Variants in MARVELD3 observed in about 807,000 individuals in gnomAD.
The protein encoded by MARVELD3 is MARVEL domain containing 3.
Under a neutral mutation model 33.5 loss-of-function variants are expected in MARVELD3, and 28 were observed. That is an observed-to-expected ratio of 0.84 (90% confidence interval 0.62 to 1.15). MARVELD3 has a LOEUF of 1.15. Among genes scored for constraint, MARVELD3 ranks in the 50% most tolerant of loss-of-function variants. MARVELD3 has a pLI of 0.00. For missense variants in MARVELD3, 582 were observed against 547.6 expected (o/e 1.06, Z -0.63); for synonymous variants, 241 against 230.4 (o/e 1.05, Z -0.42).
intron 2 of MARVELD3, among the ~76,000 whole-genome samples, chr16:71,633,902 C>A (rs1489476302): frequency 1.3e-5 from 2 of 152,084 alleles, no homozygotes; most frequent in African/African-American, 4.8e-5. Flanking sequence ...TGGCTTTGTT[C>A]CTGCTCACTG....
chr16:71,633,566 G>T (rs770208022), intron 2 of MARVELD3, among the ~76,000 whole-genome samples: 1 of 151,840 alleles, frequency 6.6e-6, no homozygotes, highest in Non-Finnish European at 1.5e-5. Context: ...GCTAATTTTT[G>T]TATTTTTTAG....
intron 2 of MARVELD3, among the ~76,000 whole-genome samples, chr16:71,630,773 C>T (rs191006206): frequency 7.9e-5 from 12 of 152,004 alleles, no homozygotes; most frequent in African/African-American, 2.4e-4. Flanking sequence ...ACCATACTGA[C>T]CCTATTATAT....
chr16:71,627,210 C>T (rs2044482775), intron 1 of MARVELD3, among the ~76,000 whole-genome samples: 2 of 152,184 alleles, frequency 1.3e-5, no homozygotes, highest in African/African-American at 4.8e-5. Flanking sequence ...TAGGTGCCTT[C>T]AGAAACAGGT....
downstream of MARVELD3, among the ~76,000 whole-genome samples, chr16:71,639,532 TG>T (rs2145288635): frequency 6.6e-6 from 1 of 150,580 alleles, no homozygotes; most frequent in African/African-American, 2.4e-5. Context: ...CTGAAACCTC[TG>T]CCTCCTGGGT....
At position 71,635,975 on chromosome 16, in the gene MARVELD3, C is replaced by A. The variant is rs913336003; in HGVS notation, c.*1172C>A. On this transcript the variant is annotated 3_prime_UTR_variant, in exon 3 of 3. Transcript: ENST00000268485. Reference sequence around the variant, plus strand: ...AGCATTAAACCCAACATCTAGAATTCAGGATTCATCCAGAATAAAAGGATG... The same window carrying A: ...AGCATTAAACCCAACATCTAGAATTAAGGATTCATCCAGAATAAAAGGATG... 36 of 985,406 alleles carry A rather than the reference C, an allele frequency of 3.7e-5. No homozygotes were observed. In the African/African-American group the frequency reaches 6.3e-4, roughly 17 times the overall value. 61.0% of individuals were successfully genotyped at this position (985,406 alleles called of 1,614,324 possible). A position where few individuals can be genotyped will look rare whatever the true frequency, so the allele number is the denominator to read the frequency against.
chr16:71,640,892 T>C (rs908621690), downstream of MARVELD3: 4 of 1,614,024 alleles, frequency 2.5e-6, no homozygotes, highest in Non-Finnish European at 3.4e-6. Context: ...TTGCTTGTCT[T>C]CTCGTGATCA....
At chr16:71,631,923 C>T (rs1424059006) in intron 2 of MARVELD3, among the ~76,000 whole-genome samples, 1 of 152,178 alleles carries the variant, frequency 6.6e-6, no homozygotes, top group East Asian at 1.9e-4. Flanking sequence ...AATAGACCAA[C>T]TGGAACCAGG....
intron 2 of MARVELD3, 125 bp from the exon 3 acceptor site, chr16:71,634,068 C>G: frequency 6.9e-7 from 1 of 1,457,086 alleles, no homozygotes; most frequent in Non-Finnish European, 9.1e-7. Context: ...GCTTTGGCCT[C>G]GGGTCTTCCA....
chr16:71,631,662 G>A (rs184806951), intron 2 of MARVELD3, among the ~76,000 whole-genome samples: 4 of 152,144 alleles, frequency 2.6e-5, no homozygotes, highest in East Asian at 1.9e-4. Context: ...TGGCCAGGCC[G>A]GTCTTGAACT....
intron 2 of MARVELD3, among the ~76,000 whole-genome samples, chr16:71,630,442 A>C (rs1444285478): frequency 2.0e-5 from 3 of 152,132 alleles, no homozygotes; most frequent in African/African-American, 7.2e-5. Context: ...CCTGACTAAC[A>C]TGGAGAAACC....
intron 1 of MARVELD3, 74 bp from the exon 2 acceptor site, chr16:71,629,293 G>A (rs1293785955): frequency 2.1e-6 from 3 of 1,437,598 alleles, no homozygotes; most frequent in Non-Finnish European, 2.8e-6. Context: ...CCAGCACGAG[G>A]AGTCAAGAGT....
At chr16:71,640,345 G>C, downstream of MARVELD3, 2 of 1,595,344 alleles carry the variant, frequency 1.3e-6, no homozygotes, top group East Asian at 4.5e-5. Flanking sequence ...GGCTTGGCCT[G>C]GGTGAGTAAT....
At position 71,626,718 on chromosome 16, in the gene MARVELD3, C is replaced by T; in HGVS notation, c.467+22C>T. 2 of 1,428,230 alleles carry T rather than the reference C, an allele frequency of 1.4e-6. No homozygotes were observed. Among genetic ancestry groups the T allele is most frequent in the Non-Finnish European group, 1.8e-6 (2 of 1,097,756 alleles). The allele number at this position is 1,428,230 out of a possible 1,614,324, so 88.5% of individuals were successfully genotyped here. A position where few individuals can be genotyped will look rare whatever the true frequency, so the allele number is the denominator to read the frequency against. On this transcript the variant is annotated intron_variant, in intron 1 of 2. Coordinates refer to ENST00000268485, the MANE Select transcript of MARVELD3 (RefSeq NM_052858.6). This position sits in a 1 kb window ranked among gnomAD's most constrained non-coding sequence, Gnocchi z 5.3. ...AAAGGTGAGAGGGGCCGGGGCGCTG[C>T]GACCTCCGCGCCGGGGACACCTGTG...
At chr16:71,630,785 C>A (rs963060902) in intron 2 of MARVELD3, among the ~76,000 whole-genome samples, 1 of 151,990 alleles carries the variant, frequency 6.6e-6, no homozygotes, top group South Asian at 2.1e-4. Flanking sequence ...CTATTATATA[C>A]CAAATATTCT....
At chr16:71,639,615 T>G (rs1410464128), downstream of MARVELD3, among the ~76,000 whole-genome samples, 1 of 150,974 alleles carries the variant, frequency 6.6e-6, no homozygotes, top group Non-Finnish European at 1.5e-5. Flanking sequence ...CCCGGCTAAT[T>G]TTTGTATTTT....
Position 71,626,701 on chromosome 16 carries a change from G to A in MARVELD3, c.467+5G>A. The A allele has an allele frequency of 1.4e-6, 2 of 1,466,958 alleles. No individual in the cohort carries two copies. Among genetic ancestry groups the A allele is most frequent in the East Asian group, 2.5e-5 (1 of 39,572 alleles). 90.9% of individuals were successfully genotyped at this position (1,466,958 alleles called of 1,614,324 possible). A position where few individuals can be genotyped will look rare whatever the true frequency, so the allele number is the denominator to read the frequency against. ...CGGGCGCCGCAGACCCGAAAGGTGAGAGGGGCCGGGGCGCTGCGACCTCCG... is the reference window on the plus strand; with the variant it reads ...CGGGCGCCGCAGACCCGAAAGGTGAAAGGGGCCGGGGCGCTGCGACCTCCG... On this transcript the variant is annotated splice_donor_5th_base_variant and intron_variant, in intron 1 of 2. Transcript: ENST00000268485. The surrounding 1 kb of genome is among the most constrained non-coding windows in gnomAD (Gnocchi z 5.3).
downstream of MARVELD3, chr16:71,640,764 G>C (rs777695867): frequency 1.2e-6 from 2 of 1,614,218 alleles, no homozygotes; most frequent in East Asian, 4.5e-5. Context: ...TTACCTCCAC[G>C]TGGCTCTGCA....
chr16:71,640,995 G>A, downstream of MARVELD3: 2 of 1,611,192 alleles, frequency 1.2e-6, no homozygotes, highest in Admixed American at 1.7e-5. Flanking sequence ...TTACAGTGAT[G>A]CACCGGAATA....
chr16:71,631,100 G>A (rs535631725), intron 2 of MARVELD3, among the ~76,000 whole-genome samples: 12 of 152,302 alleles, frequency 7.9e-5, no homozygotes, highest in Middle Eastern at 3.4e-3. Flanking sequence ...GTAATCTCAG[G>A]ATAATTCCAA....
Sources: gnomAD v4.1 joint callset for allele counts (sites outside exome capture counted in the v4.1 genomes callset) on GRCh38, gnomAD v4.1.1 for gene constraint, Gnocchi (gnomAD v3.1) non-coding constraint, MANE v1.5 for transcripts, NCBI Gene and HGNC (gene_info 2026-07-23, HGNC 2026-07-21) for gene names.